The following GPHN variants were observed in gnomAD, a reference collection of about 807,000 sequenced individuals.
The protein encoded by GPHN is gephyrin.
Under a neutral mutation model 95.5 loss-of-function variants are expected in GPHN, and 17 were observed. The observed-to-expected ratio is 0.18, with a 90% confidence interval of 0.12 to 0.27. The LOEUF (loss-of-function observed/expected upper bound fraction) is 0.27, where lower values mean the gene tolerates loss of function less well. Ranked by LOEUF, GPHN falls within the 10% of genes least tolerant of loss-of-function variation. The pLI is 1.00. For synonymous variants in GPHN, 320 were observed against 322.5 expected, an observed-to-expected ratio of 0.99 and a Z score of 0.08; for missense variants, 660 against 978.1, an observed-to-expected ratio of 0.67 and a Z score of 4.34.
intron 4 of GPHN, among the ~76,000 whole-genome samples, chr14:66,831,006 A>C (rs2061559655): frequency 6.6e-6 from 1 of 152,060 alleles, no homozygotes; most frequent in Admixed American, 6.6e-5. Flanking sequence ...CTTATATTGT[A>C]ATGCTTCAAA....
intron 4 of GPHN, among the ~76,000 whole-genome samples, chr14:66,849,973 G>T (rs1284685077): frequency 6.6e-6 from 1 of 152,010 alleles, no homozygotes; most frequent in East Asian, 1.9e-4. Flanking sequence ...TGAATCAAAG[G>T]CATTAAGTTA....
chr14:66,545,835 C>T (rs1323446196), intron 1 of GPHN, among the ~76,000 whole-genome samples: 6 of 149,748 alleles, frequency 4.0e-5, no homozygotes, highest in Admixed American at 1.3e-4. Flanking sequence ...CCTCTCCTCC[C>T]GGACGGGGTG....
the GPHN span, among the ~76,000 whole-genome samples, chr14:67,503,895 G>C: frequency 6.6e-6 from 1 of 151,768 alleles, no homozygotes; most frequent in Non-Finnish European, 1.5e-5. Context: ...GTAGAGACAG[G>C]GTTTCACCAT....
chr14:66,675,146 G>GTTTTTTTTTTTTTT (rs60014934), intron 1 of GPHN, among the ~76,000 whole-genome samples: 1 of 135,446 alleles, frequency 7.4e-6, no homozygotes, highest in Non-Finnish European at 1.6e-5. Context: ...TCTTTTTCCA[G>GTTTTTTTTTTTTTT]TTTTTTTTTT....
At chr14:66,929,297 C>T (rs2066655282) in intron 8 of GPHN, among the ~76,000 whole-genome samples, 1 of 151,808 alleles carries the variant, frequency 6.6e-6, no homozygotes, top group South Asian at 2.1e-4. Context: ...TCAAGCGATC[C>T]GCCTCCCAAA....
intron 9 of GPHN, among the ~76,000 whole-genome samples, chr14:66,972,294 A>AAAAAAAAG (rs1567167446): frequency 1.4e-5 from 2 of 147,098 alleles, no homozygotes; most frequent in African/African-American, 5.1e-5. Flanking sequence ...AGAAAGAAAA[A>AAAAAAAAG]AAAGAAAAAA....
the GPHN span, among the ~76,000 whole-genome samples, chr14:67,687,807 C>T: frequency 7.0e-6 from 1 of 141,856 alleles, no homozygotes; most frequent in East Asian, 2.1e-4. Context: ...GAGTTTTACT[C>T]GTGACGCCCA....
At chr14:67,141,839 G>A (rs914800161) in intron 17 of GPHN, among the ~76,000 whole-genome samples, 12 of 152,148 alleles carry the variant, frequency 7.9e-5, no homozygotes, top group African/African-American at 2.7e-4. Context: ...ATGCTATCTT[G>A]AGTCACTAAC....
At chr14:67,399,983 C>T in the GPHN span, among the ~76,000 whole-genome samples, 3 of 152,188 alleles carry the variant, frequency 2.0e-5, no homozygotes, top group Admixed American at 6.5e-5. Context: ...AATCAAAGTC[C>T]GTTGCCCCAA....
At chr14:66,732,525 G>A (rs937960444) in intron 2 of GPHN, among the ~76,000 whole-genome samples, 1 of 152,102 alleles carries the variant, frequency 6.6e-6, no homozygotes, top group Non-Finnish European at 1.5e-5. Context: ...AACTAGCTTG[G>A]GTCCTTTTTG....
intron 5 of GPHN, among the ~76,000 whole-genome samples, chr14:66,883,510 A>T (rs1382342154): frequency 2.0e-5 from 3 of 152,042 alleles, no homozygotes; most frequent in Non-Finnish European, 2.9e-5. Flanking sequence ...CTTGGGGTTG[A>T]CATCGGTTGA....
At chr14:67,586,030 C>A in the GPHN span, 2 of 1,613,860 alleles carry the variant, frequency 1.2e-6, no homozygotes, top group South Asian at 1.1e-5. Context: ...GTGATTAGAT[C>A]TATCCCAGAC....
intron 18 of GPHN, among the ~76,000 whole-genome samples, chr14:67,153,695 A>G (rs1028018619): frequency 6.6e-6 from 1 of 152,238 alleles, no homozygotes; most frequent in Non-Finnish European, 1.5e-5. Context: ...CTGGACACCC[A>G]GTATTCTTTT....
intron 1 of GPHN, among the ~76,000 whole-genome samples, chr14:66,631,663 TA>T (rs2153340748): frequency 6.6e-6 from 1 of 152,276 alleles, no homozygotes; most frequent in Admixed American, 6.5e-5. Context: ...TGACAACAAC[TA>T]GACTAGGTCT....
At chr14:67,680,619 T>A in the GPHN span, among the ~76,000 whole-genome samples, 1 of 152,092 alleles carries the variant, frequency 6.6e-6, no homozygotes, top group African/African-American at 2.4e-5. Flanking sequence ...CCACCACGCC[T>A]GGCTAATTTT....
At chr14:66,819,606 G>A (rs916804018) in intron 3 of GPHN, among the ~76,000 whole-genome samples, 2 of 151,532 alleles carry the variant, frequency 1.3e-5, no homozygotes. Context: ...CTCCAGCTTT[G>A]TTTTTTTGTT....
intron 2 of GPHN, among the ~76,000 whole-genome samples, chr14:66,704,596 A>G (rs937756836): frequency 6.6e-6 from 1 of 152,142 alleles, no homozygotes. Flanking sequence ...AGAATTCAAG[A>G]TGTTCTTTGA....
At chr14:67,209,007 GAGTA>G in the GPHN span, among the ~76,000 whole-genome samples, 9 of 151,894 alleles carry the variant, frequency 5.9e-5, no homozygotes, top group African/African-American at 1.9e-4. Context: ...GATAGGAAAA[GAGTA>G]AGTTATTTTA....
chr14:66,596,809 C>G (rs2061997469), intron 1 of GPHN, among the ~76,000 whole-genome samples: 1 of 152,164 alleles, frequency 6.6e-6, no homozygotes, highest in Admixed American at 6.5e-5. Flanking sequence ...GCGGGGCTCC[C>G]ACCTGTTTAA....
Sources: allele counts gnomAD v4.1 joint callset (sites outside exome capture counted in the v4.1 genomes callset), GRCh38; gene constraint gnomAD v4.1.1; transcripts MANE v1.5; gene names NCBI Gene and HGNC (gene_info 2026-07-23, HGNC 2026-07-21).